GSE1: variants seen among roughly 807,000 people sequenced by gnomAD.
GSE1 encodes the protein Gse1 coiled-coil protein.
A neutral mutation model predicts 112.6 loss-of-function variants in GSE1; 32 were observed. That is an observed-to-expected ratio of 0.28 (90% CI 0.21 to 0.38). The LOEUF (loss-of-function observed/expected upper bound fraction) is 0.38. Among genes scored for constraint, GSE1 ranks in the 10% least tolerant of loss-of-function variants. The probability of loss-of-function intolerance (pLI) is 1.00; values close to 1 mark genes in which losing one functional copy is unlikely to be tolerated. For missense variants in GSE1, 2,348 were observed against 1,699.2 expected, an observed-to-expected ratio of 1.38 and a Z score of -6.71; for synonymous variants, 1,115 against 735.6, an observed-to-expected ratio of 1.52 and a Z score of -8.35.
rs563760819 is a variant in GSE1, at chr16:85,357,305, T to C, written c.2284-158T>C. Among the ~76,000 whole-genome samples, 17 of 152,314 alleles carry C rather than the reference T, an allele frequency of 1.1e-4. No individual in the cohort carries two copies. In the South Asian group the frequency reaches 3.5e-3, roughly 32 times the overall value. On this transcript the variant is annotated intron_variant, in intron 1 of 2. Coordinates refer to the GSE1 transcript ENST00000637419. ...ACTGGCACTGGCCTTACTGAGGACC[T>C]GCTCTGCTGTTGCCCTGAGCCAGCC...
At position 85,657,386 on chromosome 16, in the gene GSE1, C is replaced by G; in HGVS notation, c.1422C>G (p.Ile474Met). The change falls in exon 8 of 16, where the codon ATC (isoleucine) becomes ATG (methionine). Residue 474 changes from isoleucine (I) to methionine (M), a missense_variant. By Grantham distance (10) the Ile-to-Met change is conservative. Coordinates refer to ENST00000253458, the MANE Select transcript of GSE1 (RefSeq NM_014615.5). ...CCAGCCTCATCTCCAACCATGGCAT[C>G]TTCTCTCTGCCTAGCAGCAGTGCTG... ...TVPSLISNHG[I>M]FSLPSSSAAT... 1 of 1,612,688 alleles carries G rather than the reference C, an allele frequency of 6.2e-7. No homozygotes were observed. The highest frequency in any genetic ancestry group is 1.1e-5 in the South Asian group (1 of 90,974).
At chr16:85,532,606 C>CAT (rs1567565998) in intron 2 of GSE1, among the ~76,000 whole-genome samples, 3 of 152,106 alleles carry the variant, frequency 2.0e-5, no homozygotes, top group Non-Finnish European at 2.9e-5. Flanking sequence ...CTACATGCCA[C>CAT]GTCTGTGTGT....
chr16:85,657,205 TGA>T (rs2052035955), intron 7 of GSE1, 70 bp from the exon 8 acceptor site: 4 of 1,069,836 alleles, frequency 3.7e-6, no homozygotes, highest in Non-Finnish European at 4.0e-6. Flanking sequence ...GGCAGTTGGG[TGA>T]GAGAGGACGG....
intron 12 of GSE1, 23 bp downstream of exon 12, chr16:85,665,151 T>C: frequency 7.1e-7 from 1 of 1,412,134 alleles, no homozygotes; most frequent in Non-Finnish European, 1.0e-6. Flanking sequence ...TAGCCCCACC[T>C]GCCACCACCC....
chr16:85,652,972 C>T (rs939824254), intron 3 of GSE1, among the ~76,000 whole-genome samples: 2 of 151,676 alleles, frequency 1.3e-5, no homozygotes, highest in Admixed American at 6.6e-5. Context: ...GGGCCGGGTT[C>T]CCGTGGCTCT....
intron 2 of GSE1, among the ~76,000 whole-genome samples, chr16:85,467,675 G>A (rs945380645): frequency 8.5e-5 from 13 of 152,186 alleles, no homozygotes; most frequent in Admixed American, 7.2e-4. Flanking sequence ...GGCCTTTCCT[G>A]ACCTAGCCAA....
chr16:85,435,569 G>A (rs1017971836), intron 2 of GSE1, among the ~76,000 whole-genome samples: 6 of 152,162 alleles, frequency 3.9e-5, no homozygotes, highest in African/African-American at 1.2e-4. Context: ...GGAGGGGAGG[G>A]GTCTGTTGCT....
At chr16:85,393,818 C>G (rs1441438619) in intron 2 of GSE1, among the ~76,000 whole-genome samples, 1 of 152,216 alleles carries the variant, frequency 6.6e-6, no homozygotes, top group Admixed American at 6.5e-5. Context: ...GGTGGCTGGG[C>G]TGGGCTGAGG....
chr16:85,374,370 G>A (rs2047370144), intron 2 of GSE1, among the ~76,000 whole-genome samples: 1 of 151,610 alleles, frequency 6.6e-6, no homozygotes, highest in South Asian at 2.1e-4. Context: ...TGTGCAGTGT[G>A]TGTCATTGTG....
chr16:85,326,177 G>C (rs188197378), intron 1 of GSE1, among the ~76,000 whole-genome samples: 14 of 151,946 alleles, frequency 9.2e-5, no homozygotes, highest in African/African-American at 3.1e-4. Context: ...CCCCTGGCTC[G>C]TTCAGGATAT....
At chr16:85,185,609 A>G (rs561782467) in intron 1 of GSE1, among the ~76,000 whole-genome samples, 1 of 152,360 alleles carries the variant, frequency 6.6e-6, no homozygotes, top group East Asian at 1.9e-4. Flanking sequence ...GGTTCTGAGC[A>G]TATTGGCCAG....
At chr16:85,364,463 T>C (rs2047145673) in intron 2 of GSE1, among the ~76,000 whole-genome samples, 1 of 152,208 alleles carries the variant, frequency 6.6e-6, no homozygotes, top group South Asian at 2.1e-4. Flanking sequence ...GAGTCCGTGC[T>C]TAGCCTGCAG....
intron 1 of GSE1, among the ~76,000 whole-genome samples, chr16:85,598,311 G>A (rs1037736689): frequency 1.3e-5 from 2 of 151,718 alleles, no homozygotes; most frequent in African/African-American, 4.8e-5. Flanking sequence ...ACCCAGCTGC[G>A]CAGGGCAGTT....
chr16:85,633,863 TG>T, intron 1 of GSE1, 50 bp from the exon 2 acceptor site: 1 of 1,456,720 alleles, frequency 6.9e-7, no homozygotes, highest in Non-Finnish European at 9.5e-7. Context: ...GCTCTGGTGC[TG>T]GGCGCTCCTG....
At chr16:85,475,776 CTT>C (rs57562071) in intron 2 of GSE1, among the ~76,000 whole-genome samples, 41,464 of 145,660 alleles carry the variant, frequency 0.28, 7,081 homozygotes, top group Middle Eastern at 0.38. Flanking sequence ...AATTGTTTTT[CTT>C]TTTTTTTTTT....
chr16:85,336,870 A>G (rs1449540518), intron 1 of GSE1, among the ~76,000 whole-genome samples: 1 of 152,244 alleles, frequency 6.6e-6, no homozygotes, highest in Non-Finnish European at 1.5e-5. Context: ...TCACACGTTC[A>G]CACATACACA....
At chr16:85,607,639 C>G (rs2047768384), upstream of GSE1, among the ~76,000 whole-genome samples, 1 of 152,146 alleles carries the variant, frequency 6.6e-6, no homozygotes, top group Non-Finnish European at 1.5e-5. Flanking sequence ...TGAGGGCCAC[C>G]TGAGCTGCTG....
intron 1 of GSE1, among the ~76,000 whole-genome samples, chr16:85,567,399 A>G (rs1407737520): frequency 1.3e-5 from 2 of 152,160 alleles, no homozygotes; most frequent in African/African-American, 4.8e-5. Flanking sequence ...GAAGACTGGG[A>G]GGCAAGGTGA....
At chr16:85,584,955 C>T (rs961490382) in intron 1 of GSE1, among the ~76,000 whole-genome samples, 11 of 152,080 alleles carry the variant, frequency 7.2e-5, no homozygotes, top group Non-Finnish European at 1.5e-4. Context: ...CCACGTGGCC[C>T]GGGTTGTCAC....
Sources: allele counts gnomAD v4.1 joint callset (sites outside exome capture counted in the v4.1 genomes callset), GRCh38; gene constraint gnomAD v4.1.1; transcripts MANE v1.5; gene names NCBI Gene and HGNC (gene_info 2026-07-23, HGNC 2026-07-21).